The following TCTN3 variants were observed in gnomAD, a reference collection of about 807,000 sequenced individuals.
TCTN3 encodes the protein tectonic-3.
A neutral mutation model predicts 71.3 loss-of-function variants in TCTN3; 57 were observed. The ratio of observed to expected loss-of-function variants is 0.80; its 90% CI spans 0.65 to 1.00. The LOEUF (loss-of-function observed/expected upper bound fraction) is 1.00, where lower values mean the gene tolerates loss of function less well. TCTN3 is among the 50% of genes least tolerant of loss of function. TCTN3 has a pLI of 0.00. For missense variants in TCTN3, 696 were observed against 719.9 expected (o/e 0.97, Z 0.38); for synonymous variants, 258 against 267.8 (o/e 0.96, Z 0.36).
At chr10:95,690,802 A>G (rs931095714) in intron 3 of TCTN3, among the ~76,000 whole-genome samples, 1 of 152,232 alleles carries the variant, frequency 6.6e-6, no homozygotes, top group Non-Finnish European at 1.5e-5. Flanking sequence ...TAGTGAAATG[A>G]TTCTCCACAA....
Position 95,686,190 on chromosome 10 carries a change from T to G in TCTN3, c.888+305A>C, listed in dbSNP as rs551632447. The stretch of plus-strand genomic sequence containing the variant: ...CTGCAGTGAACTGTGACCGTGCCAC[T>G]GCACTTCAGCCTGGGTGACAGAGCA... On this transcript the variant is annotated intron_variant, in intron 7 of 13. Transcript: ENST00000371217. Among the ~76,000 whole-genome samples the G allele has an allele frequency of 9.2e-5, 14 of 152,364 alleles. No individual in the cohort carries two copies. The South Asian group carries it at 2.5e-3, about 27-fold the overall frequency.
At chr10:95,669,790 G>A (rs1052942430) in intron 13 of TCTN3, among the ~76,000 whole-genome samples, 14 of 152,100 alleles carry the variant, frequency 9.2e-5, no homozygotes, top group Non-Finnish European at 1.6e-4. Flanking sequence ...CAGGCCGGGC[G>A]CGGTGGCTCA....
chr10:95,684,305 A>T (rs561827492), intron 9 of TCTN3, among the ~76,000 whole-genome samples, 194 bp downstream of exon 9: 1 of 152,204 alleles, frequency 6.6e-6, no homozygotes, highest in African/African-American at 2.4e-5. Flanking sequence ...AGAAAATTTT[A>T]ATGAGTAAAG....
At chr10:95,689,398 A>T (rs1188505129) in intron 3 of TCTN3, among the ~76,000 whole-genome samples, 4 of 152,176 alleles carry the variant, frequency 2.6e-5, no homozygotes, top group Non-Finnish European at 4.4e-5. Context: ...TCTGATCTGA[A>T]ATCTTCAAAC....
At position 95,693,489 on chromosome 10, in the gene TCTN3, GAC is replaced by G. The variant is rs1566078034; in HGVS notation, c.257-15_257-14del. ...CAGATCGGTAAGACTATGAAAGTAC[GAC>G]ACAGAGTGAGTGGGATGAAGATCCC... On this transcript the variant is annotated splice_polypyrimidine_tract_variant and intron_variant, in intron 1 of 13. Transcript: ENST00000371217. The G allele has an allele frequency of 3.2e-6, 5 of 1,552,132 alleles. No individual in the cohort carries two copies. In the African/African-American group the frequency reaches 6.8e-5, roughly 21 times the overall value.
chr10:95,690,072 G>A (rs148445244), intron 3 of TCTN3, among the ~76,000 whole-genome samples: 328 of 152,180 alleles, frequency 2.2e-3, no homozygotes, highest in Middle Eastern at 6.8e-3. Flanking sequence ...TGCATGCCTC[G>A]AACTCCTGGG....
chr10:95,678,767 T>A (rs1250945108), intron 13 of TCTN3, among the ~76,000 whole-genome samples: 2 of 152,214 alleles, frequency 1.3e-5, no homozygotes, highest in African/African-American at 4.8e-5. Flanking sequence ...CATATAAGTA[T>A]GAAATGATAC....
At chr10:95,682,257 C>T (rs1372491779) in intron 12 of TCTN3, among the ~76,000 whole-genome samples, 6 of 151,414 alleles carry the variant, frequency 4.0e-5, no homozygotes, top group African/African-American at 9.7e-5. Flanking sequence ...TTTGGGAGGC[C>T]GAGGCAGGCG....
intron 13 of TCTN3, among the ~76,000 whole-genome samples, chr10:95,675,843 G>A (rs2097936479): frequency 6.6e-6 from 1 of 152,178 alleles, no homozygotes; most frequent in South Asian, 2.1e-4. Context: ...ATCTTTCCTA[G>A]TATGCTGCCT....
intron 12 of TCTN3, among the ~76,000 whole-genome samples, chr10:95,681,040 T>C (rs2097942493): frequency 6.6e-6 from 1 of 151,508 alleles, no homozygotes; most frequent in East Asian, 1.9e-4. Context: ...CCTCCCAAAG[T>C]GCTGGGATTA....
intron 12 of TCTN3, 35 bp downstream of exon 12, chr10:95,682,616 T>C (rs768254266): frequency 6.3e-7 from 1 of 1,594,582 alleles, no homozygotes; most frequent in Non-Finnish European, 8.5e-7. Flanking sequence ...GGGGTAAAAA[T>C]GAGTCTTCAT....
intron 13 of TCTN3, among the ~76,000 whole-genome samples, chr10:95,677,543 G>A (rs1197017573): frequency 7.3e-6 from 1 of 136,230 alleles, no homozygotes; most frequent in Non-Finnish European, 1.6e-5. Flanking sequence ...CTTGGGAATG[G>A]TCCAAAAATT....
rs778892594 is a variant in TCTN3 at position 95,683,471 on chromosome 10, G to A, written c.1203+51C>T. 3.1e-6 allele frequency: 5 copies of A among 1,613,788 alleles called. No individual in the cohort carries two copies. In the South Asian group the frequency reaches 3.3e-5, roughly 11 times the overall value. On this transcript the variant is annotated intron_variant, in intron 10 of 13. Coordinates refer to ENST00000371217, the MANE Select transcript of TCTN3 (RefSeq NM_015631.6). ...GTCTAACATAAGTTTGAAAGCCTTT[G>A]CAGCTTTTCTCATTAGGCTGCAACA... is the stretch of plus-strand genomic sequence containing the variant.
At position 95,693,440 on chromosome 10, in the gene TCTN3, G is replaced by C; in HGVS notation, c.293C>G (p.Ala98Gly). The change falls in exon 2 of 14, where the codon GCC becomes GGC. Residue 98 changes from alanine (A) to glycine (G), a missense_variant. Coordinates refer to ENST00000371217, the MANE Select transcript of TCTN3 (RefSeq NM_015631.6). Reference sequence around the variant, plus strand: ...GTCGCAGCAGCAATTTATATCGCAGGCTCCAGGAGTCAAGTCACAGACACA... The same window carrying C: ...GTCGCAGCAGCAATTTATATCGCAGCCTCCAGGAGTCAAGTCACAGACACA... ...PICVCDLTPG[A>G]CDINCCCDRD... 6.4e-7 allele frequency: 1 copy of C among 1,552,122 alleles called. No individual in the cohort carries two copies. Among genetic ancestry groups the C allele is most frequent in the Non-Finnish European group, 8.7e-7 (1 of 1,147,094 alleles).
chr10:95,693,603 T>C lies in TCTN3; in HGVS notation c.256+41A>G, dbSNP rs2097955763. 3.2e-6 allele frequency: 5 copies of C among 1,547,492 alleles called. No homozygotes were observed. The South Asian group carries it at 6.0e-5, about 18-fold the overall frequency. ...TCAACTTTGCTCACAGAATTTTAGA[T>C]CTCAGAAGTAAGTTTCCACCCCCAC... On this transcript the variant is annotated intron_variant, in intron 1 of 13. Coordinates refer to ENST00000371217, the MANE Select transcript of TCTN3 (RefSeq NM_015631.6).
intron 13 of TCTN3, among the ~76,000 whole-genome samples, chr10:95,674,268 CTAAG>C (rs1438772697): frequency 2.6e-5 from 4 of 151,974 alleles, no homozygotes; most frequent in African/African-American, 9.7e-5. Context: ...TAAATTGTTC[CTAAG>C]TAATTTTTCC....
intron 6 of TCTN3, 152 bp downstream of exon 6, chr10:95,686,892 C>T (rs1589617758): frequency 1.6e-6 from 1 of 643,832 alleles, no homozygotes; most frequent in East Asian, 2.7e-5. Context: ...TTTCATTTGT[C>T]TTCAGATGTG....
At chr10:95,664,392 G>C in intron 13 of TCTN3, 92 bp from the exon 14 acceptor site, 1 of 1,075,534 alleles carries the variant, frequency 9.3e-7, no homozygotes, top group Non-Finnish European at 1.4e-6. Context: ...CCTGAAGAGA[G>C]AAATGAATTA....
chr10:95,683,632 G>T lies in TCTN3; in HGVS notation c.1096-3C>A, dbSNP rs370442360. On this transcript the variant is annotated splice_polypyrimidine_tract_variant and splice_region_variant and intron_variant, in intron 9 of 13. Coordinates refer to ENST00000371217, the MANE Select transcript of TCTN3 (RefSeq NM_015631.6). ...GCAGCTGTGCTCTGTTGAAAAGCCT[G>T]CAGAAAGAGGGAAGAGAAGTCAATT... 1.9e-6 allele frequency: 3 copies of T among 1,601,960 alleles called. No homozygotes were observed. The highest frequency in any genetic ancestry group is 2.6e-6 in the Non-Finnish European group (3 of 1,173,186).
Sources: gnomAD v4.1 joint callset for allele counts (sites outside exome capture counted in the v4.1 genomes callset) on GRCh38, gnomAD v4.1.1 for gene constraint, MANE v1.5 for transcripts, NCBI Gene and HGNC (gene_info 2026-07-23, HGNC 2026-07-21) for gene names.